The following SCN9A variants were observed in gnomAD, a reference collection of about 807,000 sequenced individuals.
The protein encoded by SCN9A is sodium voltage-gated channel alpha subunit 9, also known as sodium channel protein type 9 subunit alpha.
A neutral mutation model predicts 187.0 loss-of-function variants in SCN9A; 131 were observed. That is an observed-to-expected ratio of 0.70 (90% CI 0.61 to 0.81). The LOEUF is 0.81. Ranked by LOEUF, SCN9A falls within the 30% of genes least tolerant of loss-of-function variation. SCN9A has a pLI of 0.00. For missense variants in SCN9A, 2,252 were observed against 2,396.6 expected (o/e 0.94, Z 1.26); for synonymous variants, 809 against 808.6 (o/e 1.00, Z -0.01).
chr2:166,205,631 G>C (rs1407345558), intron 24 of SCN9A, among the ~76,000 whole-genome samples: 1 of 152,094 alleles, frequency 6.6e-6, no homozygotes, highest in Non-Finnish European at 1.5e-5. Context: ...AACACCAAAA[G>C]CAATGGCAAC....
chr2:166,369,921 C>T (rs72886606), intron 1 of SCN9A, among the ~76,000 whole-genome samples: 6,921 of 152,090 alleles, frequency 0.046, 184 homozygotes, highest in African/African-American at 0.057. Context: ...CCTCCAGCCT[C>T]GGCCTCCCAA....
At chr2:166,300,377 CACTT>C (rs1698502395) in intron 7 of SCN9A, among the ~76,000 whole-genome samples, 2 of 150,878 alleles carry the variant, frequency 1.3e-5, no homozygotes. Context: ...CTCACACCCA[CACTT>C]AAACTATTTT....
At chr2:166,276,350 G>A (rs533126058) in intron 16 of SCN9A, 2 of 152,108 alleles carry the variant, frequency 1.3e-5, no homozygotes, top group Admixed American at 6.5e-5. Context: ...TAATGTAAAA[G>A]CAGTCATAGA....
At chr2:166,361,774 C>A (rs1399959534) in intron 1 of SCN9A, among the ~76,000 whole-genome samples, 3 of 150,734 alleles carry the variant, frequency 2.0e-5, no homozygotes, top group African/African-American at 7.4e-5. Context: ...TGAGCTTAGG[C>A]AATAGCCAGC....
chr2:166,221,108 A>G (rs1421014254), intron 24 of SCN9A, among the ~76,000 whole-genome samples: 2 of 152,234 alleles, frequency 1.3e-5, no homozygotes, highest in Non-Finnish European at 2.9e-5. Context: ...TAACCAAGGC[A>G]TTGAAAATGT....
chr2:166,199,153 G>A lies in SCN9A; in HGVS notation c.5486C>T (p.Pro1829Leu). 6.2e-7 allele frequency: 1 copy of A among 1,614,094 alleles called. No individual in the cohort carries two copies. Among genetic ancestry groups the A allele is most frequent in the Non-Finnish European group, 8.5e-7 (1 of 1,180,018 alleles). Residue 1829 changes from proline to leucine, a missense_variant, in exon 27 of 27, where the codon CCC becomes CTC. Physicochemically the swap from Pro to Leu is moderately conservative, Grantham distance 98. Transcript: ENST00000642356. ...NKVQLIAMDL[P>L]MVSGDRIHCL... ...ATGGATCCGGTCACCACTAACCATG[G>A]GCAGATCCATGGCAATGAGCTGGAC...
chr2:166,340,593 TCTTTCTTTCTTTTTCTTTCTTTCTTTC>T (rs1559051132), intron 1 of SCN9A, among the ~76,000 whole-genome samples: 956 of 87,406 alleles, frequency 0.011, 38 homozygotes, highest in African/African-American at 0.039. Context: ...TTTCTTTCTT[TCTTTCTTTCTTTTTCTTTCTTTCTTTC>T]CTTTCTCTTC....
intron 18 of SCN9A, among the ~76,000 whole-genome samples, chr2:166,247,522 C>CATT (rs1354922101): frequency 6.6e-6 from 1 of 151,750 alleles, no homozygotes; most frequent in Non-Finnish European, 1.5e-5. Flanking sequence ...CTATTATTAC[C>CATT]ATTATTATTT....
Position 166,197,108 on chromosome 2 carries a change from T to C in SCN9A, c.*1564A>G, listed in dbSNP as rs201483932. The C allele has an allele frequency of 2.6e-5, 4 of 152,102 alleles. No individual in the cohort carries two copies. The highest frequency in any genetic ancestry group is 5.9e-5 in the Non-Finnish European group (4 of 67,974). 9.4% of individuals were successfully genotyped at this position (152,102 alleles called of 1,614,324 possible). A position where few individuals can be genotyped will look rare whatever the true frequency, so the allele number is the denominator to read the frequency against. Reference sequence around the variant, plus strand: ...AAGCAAATTAGTGAAAGTTGTTTTATATATTTGCTTCAAAACCTCCCACAA... The same window carrying C: ...AAGCAAATTAGTGAAAGTTGTTTTACATATTTGCTTCAAAACCTCCCACAA... On this transcript the variant is annotated 3_prime_UTR_variant, in exon 27 of 27. Coordinates refer to ENST00000642356, the MANE Select transcript of SCN9A (RefSeq NM_001365536.1).
chr2:166,329,716 C>A, intron 1 of SCN9A, among the ~76,000 whole-genome samples: 1 of 152,098 alleles, frequency 6.6e-6, no homozygotes, highest in East Asian at 1.9e-4. Context: ...TAAACAATTA[C>A]AACACACCTA....
chr2:166,274,838 C>T (rs1697162018), intron 16 of SCN9A, among the ~76,000 whole-genome samples: 1 of 152,118 alleles, frequency 6.6e-6, no homozygotes, highest in African/African-American at 2.4e-5. Flanking sequence ...ATTATATTAT[C>T]CATTGTTCAA....
At position 166,303,966 on chromosome 2, in the gene SCN9A, A is replaced by G. The variant is rs1252853852; in HGVS notation, c.688+272T>C. 34 of 1,444,426 alleles carry G rather than the reference A, an allele frequency of 2.4e-5. No individual in the cohort carries two copies. In the East Asian group the frequency reaches 7.5e-4, roughly 32 times the overall value. 89.5% of individuals were successfully genotyped at this position (1,444,426 alleles called of 1,614,324 possible). On this transcript the variant is annotated intron_variant, in intron 6 of 26. Coordinates refer to ENST00000642356, the MANE Select transcript of SCN9A (RefSeq NM_001365536.1). ...AATTTAATTAAAATTGCATAAAGAA[A>G]GGTTTTTTTTATGTCTTTCTTTCAA...
In SCN9A at chr2:166,208,717, G is replaced by T. The variant is rs372831431; in HGVS notation, c.4399-4253C>A. ...ACTAGTAAAATAGGGTTGGTTATTA[G>T]AAAGAGGCATGGGTAGTTGATAGAG... On this transcript the variant is annotated intron_variant, in intron 24 of 26. Coordinates refer to ENST00000642356, the MANE Select transcript of SCN9A (RefSeq NM_001365536.1). 9.2e-5 allele frequency among the ~76,000 whole-genome samples: 14 copies of T among 152,300 alleles called. No individual in the cohort carries two copies. The South Asian group carries it at 2.9e-3, about 32-fold the overall frequency.
chr2:166,274,753 CTCTG>C (rs1697157426), intron 16 of SCN9A, among the ~76,000 whole-genome samples: 1 of 152,070 alleles, frequency 6.6e-6, no homozygotes, highest in Admixed American at 6.6e-5. Flanking sequence ...AATATATCCC[CTCTG>C]TTTTTTACTA....
Position 166,290,449 on chromosome 2 carries a change from G to C in SCN9A, c.1108-1806C>G, listed in dbSNP as rs532518153. Among the ~76,000 whole-genome samples the C allele has an allele frequency of 1.3e-4, 20 of 152,264 alleles. No homozygotes were observed. In the South Asian group the frequency reaches 3.5e-3, roughly 27 times the overall value. ...TATATACCCAGTAATGGGATTGCTA[G>C]GTCAAATGGTATTTCTGGTTCTAGG... On this transcript the variant is annotated intron_variant, in intron 9 of 26. Coordinates refer to ENST00000642356, the MANE Select transcript of SCN9A (RefSeq NM_001365536.1).
chr2:166,258,625 A>G (rs1696378936), intron 17 of SCN9A, among the ~76,000 whole-genome samples: 1 of 151,646 alleles, frequency 6.6e-6, no homozygotes, highest in Non-Finnish European at 1.5e-5. Flanking sequence ...GAAGCAGGGT[A>G]CTTTGGCTTT....
In SCN9A at chr2:166,286,389, C is replaced by T. The variant is rs200333606; in HGVS notation, c.1549G>A (p.Gly517Ser). The change falls in exon 11 of 27, where the codon GGT (glycine) becomes AGT (serine). Residue 517 changes from glycine (G) to serine (S), a missense_variant. Around this residue, in one of 7 missense-constraint regions of SCN9A, gnomAD observed 1,013 missense variants for 997.4 expected, o/e 1.02. Coordinates refer to ENST00000642356, the MANE Select transcript of SCN9A (RefSeq NM_001365536.1). The stretch of plus-strand genomic sequence containing the variant: ...TGTGCTCGCCTATGCCCTTCGACAC[C>T]AAGGTGGAAACTTTTTCTTCTGATG... ...DSIRRKSFHL[G>S]VEGHRRAHEK... 6 of 1,613,766 alleles carry T rather than the reference C, an allele frequency of 3.7e-6. No homozygotes were observed. The highest frequency in any genetic ancestry group is 1.3e-5 in the African/African-American group (1 of 75,028).
chr2:166,357,111 G>A (rs540567098), intron 1 of SCN9A, among the ~76,000 whole-genome samples: 3 of 152,024 alleles, frequency 2.0e-5, no homozygotes, highest in East Asian at 3.9e-4. Context: ...CCTCCCTCCT[G>A]CCACCCTCCA....
At chr2:166,233,103 G>A (rs1338379657) in intron 21 of SCN9A, among the ~76,000 whole-genome samples, 3 of 145,980 alleles carry the variant, frequency 2.1e-5, no homozygotes, top group Non-Finnish European at 3.0e-5. Context: ...TACCATATAT[G>A]CATACTATAT....
Sources: allele counts gnomAD v4.1 joint callset (sites outside exome capture counted in the v4.1 genomes callset), GRCh38; gene constraint gnomAD v4.1.1; regional missense constraint gnomAD v4.1.1; transcripts MANE v1.5; gene names NCBI Gene and HGNC (gene_info 2026-07-23, HGNC 2026-07-21).